The following CHN2 variants were observed in gnomAD, a reference collection of about 807,000 sequenced individuals.
CHN2 encodes the protein beta-chimaerin.
A neutral mutation model predicts 56.3 loss-of-function variants in CHN2; 35 were observed. The observed-to-expected ratio is 0.62, with a 90% confidence interval of 0.47 to 0.82. CHN2 has a LOEUF of 0.82. Among genes scored for constraint, CHN2 ranks in the 40% least tolerant of loss-of-function variants. The pLI, the probability that CHN2 is intolerant of heterozygous loss-of-function variation, is 0.00. For synonymous variants in CHN2, 210 were observed against 212.8 expected (o/e 0.99, Z 0.12); for missense variants, 491 against 580.5 (o/e 0.85, Z 1.58).
intron 1 of CHN2, among the ~76,000 whole-genome samples, chr7:29,332,147 C>T (rs1203329698): frequency 1.3e-5 from 2 of 152,108 alleles, no homozygotes; most frequent in Non-Finnish European, 2.9e-5. Context: ...CATGGAGCAG[C>T]GGTTGAGAAC....
At position 29,194,803 on chromosome 7, in the gene CHN2, G is replaced by A; in HGVS notation, c.-139G>A. On this transcript the variant is annotated 5_prime_UTR_variant, in exon 1 of 13. Transcript: ENST00000222792. Reference sequence around the variant, plus strand: ...GGAGCAGGAAGTGCAGGCAGAGTCCGGAGGCTGGTGCTTTCTGCGCGTCCC... The same window carrying A: ...GGAGCAGGAAGTGCAGGCAGAGTCCAGAGGCTGGTGCTTTCTGCGCGTCCC... 3.1e-6 allele frequency: 2 copies of A among 653,614 alleles called. No individual in the cohort carries two copies. The highest frequency in any genetic ancestry group is 4.5e-6 in the Non-Finnish European group (2 of 441,062). 40.5% of individuals were successfully genotyped at this position (653,614 alleles called of 1,614,324 possible). A position where few individuals can be genotyped will look rare whatever the true frequency, so the allele number is the denominator to read the frequency against.
chr7:29,283,008 C>T (rs1393058237), intron 1 of CHN2, among the ~76,000 whole-genome samples: 2 of 152,090 alleles, frequency 1.3e-5, no homozygotes, highest in Admixed American at 6.5e-5. Flanking sequence ...AAAGTGGCAG[C>T]AAAGAGGACA....
At chr7:29,153,691 T>A (rs564719838) in intron 2 of CHN2, among the ~76,000 whole-genome samples, 2 of 152,308 alleles carry the variant, frequency 1.3e-5, no homozygotes, top group South Asian at 4.1e-4. Context: ...TGCCTCAGCC[T>A]CCTGAGTGGC....
At chr7:29,260,942 G>A (rs1046577197) in intron 1 of CHN2, among the ~76,000 whole-genome samples, 5 of 152,128 alleles carry the variant, frequency 3.3e-5, no homozygotes, top group African/African-American at 1.2e-4. Flanking sequence ...CTTTGCAATT[G>A]TATTGTATTT....
Position 29,280,365 on chromosome 7 carries a change from C to T in CHN2, c.50-74260C>T, listed in dbSNP as rs528518935. On this transcript the variant is annotated intron_variant, in intron 1 of 12. Coordinates refer to ENST00000222792, the MANE Select transcript of CHN2 (RefSeq NM_004067.4). ...CACCACTGCACTCCAGCCTGGGTGA[C>T]AGAGCGAGGCTCCGTCTCATAAATA... Among the ~76,000 whole-genome samples the T allele has an allele frequency of 9.1e-4, 124 of 135,958 alleles. 1 individual carries two copies. The highest frequency in any genetic ancestry group is 3.1e-3 in the African/African-American group (111 of 35,372). 89.2% of individuals were successfully genotyped at this position (135,958 alleles called of 152,430 possible).
intron 1 of CHN2, among the ~76,000 whole-genome samples, chr7:29,301,342 TAC>T (rs10570363): frequency 0.1 from 14,784 of 141,462 alleles, 826 homozygotes; most frequent in African/African-American, 0.14. Context: ...CTCAAACAGG[TAC>T]ACACACACAC....
At chr7:29,440,082 T>G (rs1783520097) in intron 6 of CHN2, among the ~76,000 whole-genome samples, 1 of 152,194 alleles carries the variant, frequency 6.6e-6, no homozygotes, top group South Asian at 2.1e-4. Flanking sequence ...CCTAGTACAG[T>G]ATGTTTAGAA....
At position 29,499,056 on chromosome 7, in the gene CHN2, G is replaced by A. The variant is rs562521370; in HGVS notation, c.740-811G>A. Among the ~76,000 whole-genome samples the A allele has an allele frequency of 2.0e-5, 3 of 152,224 alleles. No individual in the cohort carries two copies. In the South Asian group the frequency reaches 6.2e-4, roughly 32 times the overall value. ...ATTACAGGCGTGAGCCACCACGCCC[G>A]GCCAACTGTGCCTTTTTATCATCAG... On this transcript the variant is annotated intron_variant, in intron 8 of 12. Transcript: ENST00000222792.
At chr7:29,379,531 G>C (rs956886640) in intron 3 of CHN2, among the ~76,000 whole-genome samples, 3 of 152,154 alleles carry the variant, frequency 2.0e-5, no homozygotes, top group African/African-American at 7.2e-5. Context: ...ATGGATAGAG[G>C]AATGAAAAAA....
chr7:29,317,256 A>G (rs1180223748), intron 1 of CHN2, among the ~76,000 whole-genome samples: 1 of 152,232 alleles, frequency 6.6e-6, no homozygotes. Context: ...TGCAAATTTA[A>G]AAGTCACTTG....
intron 6 of CHN2, among the ~76,000 whole-genome samples, chr7:29,411,440 G>A (rs1803207396): frequency 6.6e-6 from 1 of 152,144 alleles, no homozygotes; most frequent in Admixed American, 6.5e-5. Context: ...CACCCCCAGA[G>A]TGAGTAGCTG....
chr7:29,212,319 T>A (rs1320183106), intron 1 of CHN2: 18 of 1,307,180 alleles, frequency 1.4e-5, no homozygotes, highest in Non-Finnish European at 1.9e-5. Context: ...GGATCTGGCT[T>A]GTCTGCAAAG....
At chr7:29,407,804 A>T (rs1269751608) in intron 6 of CHN2, among the ~76,000 whole-genome samples, 1 of 152,158 alleles carries the variant, frequency 6.6e-6, no homozygotes, top group African/African-American at 2.4e-5. Flanking sequence ...ATGATTTGGG[A>T]TTTATCACTC....
intron 3 of CHN2, among the ~76,000 whole-genome samples, chr7:29,376,036 C>T (rs1661647551): frequency 6.6e-6 from 1 of 152,200 alleles, no homozygotes; most frequent in African/African-American, 2.4e-5. Flanking sequence ...TAAGCCATGT[C>T]TCCTACTGGC....
Position 29,194,874 on chromosome 7 carries a change from G to C in CHN2, c.-68G>C. 7.5e-7 allele frequency: 1 copy of C among 1,341,108 alleles called. No homozygotes were observed. Among genetic ancestry groups the C allele is most frequent in the Non-Finnish European group, 9.6e-7 (1 of 1,046,122 alleles). 83.1% of individuals were successfully genotyped at this position (1,341,108 alleles called of 1,614,324 possible). A position where few individuals can be genotyped will look rare whatever the true frequency, so the allele number is the denominator to read the frequency against. ...GGGGCCGCGGAGGCTGCGAGCGGCC[G>C]GGCGAGGGCAGCGGCGGCGGCGTCC... On this transcript the variant is annotated 5_prime_UTR_variant, in exon 1 of 13. Transcript: ENST00000222792.
chr7:29,270,492 TAAAA>T (rs869244337), intron 1 of CHN2, among the ~76,000 whole-genome samples: 6 of 105,380 alleles, frequency 5.7e-5, no homozygotes, highest in Admixed American at 1.1e-4. Context: ...CCATCTCTAC[TAAAA>T]AAAAAAAAAA....
At chr7:29,268,169 G>T (rs1400310677) in intron 1 of CHN2, among the ~76,000 whole-genome samples, 3 of 151,922 alleles carry the variant, frequency 2.0e-5, no homozygotes, top group East Asian at 1.9e-4. Context: ...AGTATATGTG[G>T]TGGGTTAAAA....
chr7:29,178,519 G>A (rs1359124438), intron 2 of CHN2, among the ~76,000 whole-genome samples: 1 of 152,106 alleles, frequency 6.6e-6, no homozygotes, highest in Non-Finnish European at 1.5e-5. Flanking sequence ...AGTCTCTGCT[G>A]AAATGTCACA....
intron 6 of CHN2, among the ~76,000 whole-genome samples, chr7:29,422,292 G>A (rs1375734927): frequency 6.6e-6 from 1 of 152,186 alleles, no homozygotes; most frequent in Admixed American, 6.5e-5. Flanking sequence ...CCCTTTGAGT[G>A]ACCTGATGGA....
Sources: allele counts gnomAD v4.1 joint callset (sites outside exome capture counted in the v4.1 genomes callset), GRCh38; gene constraint gnomAD v4.1.1; transcripts MANE v1.5; gene names NCBI Gene and HGNC (gene_info 2026-07-23, HGNC 2026-07-21).